OBSL1: variants seen among roughly 807,000 people sequenced by gnomAD.
OBSL1 encodes the protein obscurin like cytoskeletal adaptor 1, also known as obscurin-like protein 1.
Under a neutral mutation model 172.0 loss-of-function variants are expected in OBSL1, and 160 were observed. The observed-to-expected ratio is 0.93, with a 90% CI of 0.82 to 1.06. The LOEUF is 1.06. Ranked by LOEUF, OBSL1 falls within the 50% of genes least tolerant of loss-of-function variation. The pLI is 0.00. For missense variants in OBSL1, 2,681 were observed against 2,715.4 expected (o/e 0.99, Z 0.28); for synonymous variants, 1,200 against 1,196.3 (o/e 1.00, Z -0.06).
rs1162974945 is a variant in OBSL1, at chr2:219,558,348, C to A, written c.3338G>T (p.Arg1113Leu). 1 of 1,612,400 alleles carries A rather than the reference C, an allele frequency of 6.2e-7. No homozygotes were observed. The highest frequency in any genetic ancestry group is 1.3e-5 in the African/African-American group (1 of 75,056). Residue 1113 changes from arginine to leucine, a missense_variant, in exon 10 of 21, where the codon CGC becomes CTC. Arg to Leu is a moderately radical substitution (Grantham distance 102). This residue lies in a region of OBSL1 where 1,765 missense variants were observed against 1,748.3 expected (regional missense o/e 1.01). Coordinates refer to ENST00000404537, the MANE Select transcript of OBSL1 (RefSeq NM_015311.3). Reference sequence around the variant, plus strand: ...CACTTCCAGCCCGTCCTTGTACCAGCGCACCTGAGACCCAGCTGGGGCCAC... The same window carrying A: ...CACTTCCAGCCCGTCCTTGTACCAGAGCACCTGAGACCCAGCTGGGGCCAC... ...CEVAPAGSQV[R>L]WYKDGLEVEA... is the part of the protein sequence containing the mutation.
intron 20 of OBSL1, chr2:219,551,159 A>G: frequency 7.2e-7 from 1 of 1,392,472 alleles, no homozygotes; most frequent in Non-Finnish European, 9.3e-7. Context: ...AGCTGGGCAG[A>G]GGGCAGGAAG....
At chr2:219,555,213 A>AC (rs1340364686) in intron 14 of OBSL1, 1 of 159,574 alleles carries the variant, frequency 6.3e-6, no homozygotes, top group Non-Finnish European at 1.4e-5. Context: ...GAGATGTGTC[A>AC]CAAATGACAA....
chr2:219,558,069 G>T lies in OBSL1; in HGVS notation c.3544C>A (p.Pro1182Thr). Residue 1182 changes from proline (P) to threonine (T), a missense_variant, in exon 11 of 21, where the codon CCG becomes ACG. By Grantham distance (38) the Pro-to-Thr change is conservative. This residue lies in a region of OBSL1 where 1,765 missense variants were observed against 1,748.3 expected (regional missense o/e 1.01). Coordinates refer to ENST00000404537, the MANE Select transcript of OBSL1 (RefSeq NM_015311.3). Reference sequence around the variant, plus strand: ...GGCTCCCCAGGGGCCACACAGAGCGGGCTTGGAGTTGTCTCTAGAGCAAGG... The same window carrying T: ...GGCTCCCCAGGGGCCACACAGAGCGTGCTTGGAGTTGTCTCTAGAGCAAGG... ...QFLALETTPS[P>T]LCVAPGEPVV... 6.2e-7 allele frequency: 1 copy of T among 1,613,744 alleles called. No individual in the cohort carries two copies. The highest frequency in any genetic ancestry group is 8.5e-7 in the Non-Finnish European group (1 of 1,179,860).
At position 219,557,466 on chromosome 2, in the gene OBSL1, C is replaced by T. The variant is rs750555221; in HGVS notation, c.3943G>A (p.Val1315Met). The T allele has an allele frequency of 3.2e-6, 5 of 1,549,778 alleles. No homozygotes were observed. The South Asian group carries it at 4.8e-5, about 15-fold the overall frequency. The change falls in exon 12 of 21, where the codon GTG becomes ATG. Residue 1315 changes from valine (V) to methionine (M), a missense_variant. Transcript: ENST00000404537. Reference protein sequence around the residue: ...DGERLASQGRVQLEQAGARQV... With the variant: ...DGERLASQGRMQLEQAGARQV... ...CTGGCCCCGGCCTGCTCCAGCTGCA[C>T]CCGCCCCTGGCTTGCCAGTCGCTCC...
At position 219,557,847 on chromosome 2, in the gene OBSL1, G is replaced by A. The variant is rs541852276; in HGVS notation, c.3766C>T (p.Leu1256Phe). The A allele has an allele frequency of 3.8e-5, 61 of 1,599,846 alleles. No homozygotes were observed. The South Asian group carries it at 5.7e-4, about 15-fold the overall frequency. Residue 1256 changes from leucine (L) to phenylalanine (F), a missense_variant, in exon 11 of 21, where the codon CTC becomes TTC. Leu to Phe is a conservative substitution (Grantham distance 22, BLOSUM62 0). Around this residue, in one of 5 missense-constraint regions of OBSL1, gnomAD observed 1,765 missense variants for 1,748.3 expected, o/e 1.01. Transcript: ENST00000404537. ...CCAGCCACCTGGACGGTGAAGCTGA[G>A]GCTTGGGGCTCCGGGGGCTGCTCCA... ...QSGAAPGAPSLSFTVQVAEPP... is the reference protein window; with the variant it reads ...QSGAAPGAPSFSFTVQVAEPP...
chr2:219,559,457 G>A lies in OBSL1; in HGVS notation c.2994C>T (p.Thr998=), dbSNP rs1162417788. 2.5e-6 allele frequency: 4 copies of A among 1,613,680 alleles called. No individual in the cohort carries two copies. The highest frequency in any genetic ancestry group is 4.5e-5 in the East Asian group (2 of 44,904). ...CACACTCCAAGGTCACGGCGATCAA[G>A]GTCACCTCATCGCGAGGGTATATGA... ...VRIIYPRDEV[T]LIAVTLECVV... is the part of the protein sequence containing the mutation. Residue 998 remains threonine, a synonymous_variant, in exon 9 of 21, where the codon ACC becomes ACT. Transcript: ENST00000404537.
At position 219,570,808 on chromosome 2, in the gene OBSL1, C is replaced by G; in HGVS notation, c.425G>C (p.Gly142Ala). The G allele has an allele frequency of 2.0e-6, 3 of 1,484,260 alleles. No individual in the cohort carries two copies. Among genetic ancestry groups the G allele is most frequent in the South Asian group, 1.3e-5 (1 of 77,198 alleles). The allele number at this position is 1,484,260 out of a possible 1,614,324, so 91.9% of individuals were successfully genotyped here. The change falls in exon 1 of 21, where the codon GGG becomes GCG. Residue 142 changes from glycine (G) to alanine (A), a missense_variant. Gly to Ala is a moderately conservative substitution (Grantham distance 60, BLOSUM62 0). This residue lies in a region of OBSL1 where 706 missense variants were observed against 695.8 expected (regional missense o/e 1.01). Transcript: ENST00000404537. ...CCGGCACGTCAGCACCACCTCCGCC[C>G]CCCGCAGCACCCACTGGGATCGAGG... ...TGPRSQWVLR[G>A]AEVVLTCRAG...
downstream of OBSL1, among the ~76,000 whole-genome samples, chr2:219,549,544 G>C (rs537706847): frequency 1.3e-5 from 2 of 152,314 alleles, no homozygotes; most frequent in South Asian, 4.2e-4. Flanking sequence ...TTGGGGGAAA[G>C]GTTCCTGAGT....
chr2:219,566,695 A>T (rs1275607061), intron 5 of OBSL1, 135 bp downstream of exon 5: 1 of 993,736 alleles, frequency 1.0e-6, no homozygotes, highest in African/African-American at 1.6e-5. Flanking sequence ...TGAGCCCTCA[A>T]CCTCAGCCCA....
chr2:219,548,582 C>G (rs1298153214), downstream of OBSL1, among the ~76,000 whole-genome samples: 1 of 152,162 alleles, frequency 6.6e-6, no homozygotes, highest in Non-Finnish European at 1.5e-5. Flanking sequence ...GGCGAGGGCC[C>G]TGAGAAGGAA....
chr2:219,562,042 G>A lies in OBSL1; in HGVS notation c.2953+360C>T, dbSNP rs3731919. 600 of 715,652 alleles carry A rather than the reference G, an allele frequency of 8.4e-4. 8 individuals carry two copies. In the East Asian group the frequency reaches 0.015, roughly 18 times the overall value. 44.3% of individuals were successfully genotyped at this position (715,652 alleles called of 1,614,324 possible). Reference sequence around the variant, plus strand: ...CAAACAAAGCACATGTGTGGAATGCGCAGGGCCCCAGGACTACCCGTTTGC... The same window carrying A: ...CAAACAAAGCACATGTGTGGAATGCACAGGGCCCCAGGACTACCCGTTTGC... On this transcript the variant is annotated intron_variant, in intron 8 of 20. Transcript: ENST00000404537.
chr2:219,560,621 G>A (rs1000043732), intron 8 of OBSL1, among the ~76,000 whole-genome samples: 16 of 152,072 alleles, frequency 1.1e-4, no homozygotes, highest in African/African-American at 1.7e-4. Context: ...GGGGGGGTGG[G>A]GGCTGGGGGT....
intron 8 of OBSL1, chr2:219,561,910 A>AT (rs1696501100): frequency 1.4e-6 from 1 of 717,452 alleles, no homozygotes; most frequent in South Asian, 1.5e-5. Context: ...GTTCGTCGCC[A>AT]TGGGGGGAAG....
At chr2:219,567,600 C>G (rs758248441) in intron 3 of OBSL1, 25 bp from the exon 4 acceptor site, 1 of 1,599,260 alleles carries the variant, frequency 6.3e-7, no homozygotes, top group East Asian at 2.2e-5. Context: ...GGGATGTGTT[C>G]CGGCCTTGCT....
At chr2:219,569,409 T>C (rs898083349) in intron 1 of OBSL1, 2 of 152,250 alleles carry the variant, frequency 1.3e-5, no homozygotes, top group African/African-American at 4.8e-5. Flanking sequence ...CTCTTTTGCG[T>C]TGTGATGAAA....
Position 219,565,378 on chromosome 2 carries a change from C to T in OBSL1, c.2271G>A (p.Glu757=). 2 of 1,614,060 alleles carry T rather than the reference C, an allele frequency of 1.2e-6. No individual in the cohort carries two copies. The highest frequency in any genetic ancestry group is 8.5e-7 in the Non-Finnish European group (1 of 1,179,910). ...TCTTCACCACCAGCAACTCGCTCTC[C>T]TCCACCTTCTGCCCATCCTTGTACC... ...ATWYKDGQKV[E]ESELLVVKMD... Residue 757 remains glutamate, a synonymous_variant, in exon 6 of 21, where the codon GAG becomes GAA. Coordinates refer to ENST00000404537, the MANE Select transcript of OBSL1 (RefSeq NM_015311.3).
chr2:219,559,023 G>A (rs1159824111), intron 9 of OBSL1: 9 of 561,510 alleles, frequency 1.6e-5, no homozygotes, highest in South Asian at 5.3e-5. Flanking sequence ...ATGAATGAAC[G>A]AATGGTTCTA....
Position 219,567,511 on chromosome 2 carries a change from C to T in OBSL1, c.1599G>A (p.Thr533=), listed in dbSNP as rs149009269. 2.9e-4 allele frequency: 471 copies of T among 1,613,538 alleles called. 3 individuals carry two copies. The East Asian group carries it at 9.0e-3, about 31-fold the overall frequency. The part of the protein sequence containing the change: ...LAEMFKGHKN[T]VLLTWKPPEP... The stretch of plus-strand genomic sequence containing the variant: ...CGGGAGGCTTCCAGGTCAACAGGAC[C>T]GTGTTCTTGTGGCCCTTGAACATCT... The change falls in exon 4 of 21, where the codon ACG becomes ACA. Residue 533 remains threonine (T), a synonymous_variant. Transcript: ENST00000404537.
At position 219,558,266 on chromosome 2, in the gene OBSL1, C is replaced by T; in HGVS notation, c.3420G>A (p.Leu1140=). The T allele has an allele frequency of 6.2e-7, 1 of 1,610,790 alleles. No homozygotes were observed. Among genetic ancestry groups the T allele is most frequent in the East Asian group, 2.2e-5 (1 of 44,802 alleles). Residue 1140 remains leucine, a synonymous_variant, in exon 10 of 21, where the codon CTG becomes CTA. Transcript: ENST00000404537. ...GAEGPTRTLT[L]PHAQPEDAGE... is the part of the protein sequence containing the mutation. The stretch of plus-strand genomic sequence containing the variant: ...CGGCGTCCTCAGGCTGGGCGTGGGG[C>T]AGGGTCAGGGTGCGGGTGGGCCCCT...
Sources: gnomAD v4.1 joint callset for allele counts (sites outside exome capture counted in the v4.1 genomes callset) on GRCh38, gnomAD v4.1.1 for gene constraint, gnomAD v4.1.1 regional missense constraint, MANE v1.5 for transcripts, NCBI Gene and HGNC (gene_info 2026-07-23, HGNC 2026-07-21) for gene names.